Variants in LRPPRC observed in about 807,000 individuals in gnomAD.
LRPPRC encodes leucine-rich PPR motif-containing protein, mitochondrial.
A neutral mutation model predicts 180.3 loss-of-function variants in LRPPRC; 120 were observed. The observed-to-expected ratio is 0.67, with a 90% CI of 0.57 to 0.77. LRPPRC has a LOEUF of 0.77. LRPPRC is among the 30% of genes least tolerant of loss of function. The probability of loss-of-function intolerance (pLI) is 0.00; values close to 1 mark genes in which losing one functional copy is unlikely to be tolerated. For synonymous variants in LRPPRC, 723 were observed against 600.0 expected, an observed-to-expected ratio of 1.21 and a Z score of -3.00; for missense variants, 2,012 against 1,657.2, an observed-to-expected ratio of 1.21 and a Z score of -3.72.
At chr2:43,895,137 A>G (rs984900797) in intron 35 of LRPPRC, among the ~76,000 whole-genome samples, 1 of 152,200 alleles carries the variant, frequency 6.6e-6, no homozygotes, top group Non-Finnish European at 1.5e-5. Flanking sequence ...GTAGCGAGTG[A>G]ATACAGAACT....
At chr2:43,939,541 A>G (rs1336378440) in intron 23 of LRPPRC, among the ~76,000 whole-genome samples, 1 of 152,182 alleles carries the variant, frequency 6.6e-6, no homozygotes, top group East Asian at 1.9e-4. Flanking sequence ...TTAAAAACAA[A>G]CTATCTTACA....
rs989185715 is a variant in LRPPRC at position 43,934,955 on chromosome 2, G to A, written c.2505-77C>T. 14 of 1,185,260 alleles carry A rather than the reference G, an allele frequency of 1.2e-5. No individual in the cohort carries two copies. The African/African-American group carries it at 1.2e-4, about 10-fold the overall frequency. The allele number at this position is 1,185,260 out of a possible 1,614,324, so 73.4% of individuals were successfully genotyped here. ...TCTCTTAGTAATACTTTAGAGAGAT[G>A]TTTAATGACCAGTTAATATGTAAAC... On this transcript the variant is annotated intron_variant, in intron 23 of 37. Transcript: ENST00000260665.
intron 35 of LRPPRC, 114 bp from the exon 36 acceptor site, chr2:43,894,743 T>C: frequency 1.5e-6 from 1 of 687,240 alleles, no homozygotes; most frequent in South Asian, 1.6e-5. Flanking sequence ...CAGAACTACC[T>C]ATTAAATTTA....
Position 43,888,570 on chromosome 2 carries a change from A to G in LRPPRC, c.*30T>C, listed in dbSNP as rs773737683. 2 of 1,361,678 alleles carry G rather than the reference A, an allele frequency of 1.5e-6. No individual in the cohort carries two copies. The highest frequency in any genetic ancestry group is 2.1e-6 in the Non-Finnish European group (2 of 950,656). The allele number at this position is 1,361,678 out of a possible 1,614,324, so 84.3% of individuals were successfully genotyped here. ...AACATGTAGACACAGAATCACAAAT[A>G]TATACAAAACAAAGTATCGCCTGGT... On this transcript the variant is annotated 3_prime_UTR_variant, in exon 38 of 38. Transcript: ENST00000260665.
intron 1 of LRPPRC, among the ~76,000 whole-genome samples, chr2:43,987,449 A>T (rs1358120830): frequency 1.4e-5 from 2 of 139,942 alleles, no homozygotes; most frequent in African/African-American, 2.7e-5. Context: ...GAGCCGAGAT[A>T]GCGTCACTGC....
At chr2:43,916,290 G>C (rs1359926509) in intron 29 of LRPPRC, among the ~76,000 whole-genome samples, 1 of 152,098 alleles carries the variant, frequency 6.6e-6, no homozygotes, top group African/African-American at 2.4e-5. Context: ...AAGAAAATAA[G>C]AGTAATATAT....
At position 43,976,223 on chromosome 2, in the gene LRPPRC, A is replaced by C; in HGVS notation, c.657T>G (p.Ile219Met). 6.2e-7 allele frequency: 1 copy of C among 1,600,716 alleles called. No homozygotes were observed. Among genetic ancestry groups the C allele is most frequent in the African/African-American group, 1.3e-5 (1 of 74,750 alleles). ...GATCCTTAGTTTTCATAAATCCAAG[A>C]ATCTTGCTGCAAAGGAAAAACGAAG... Reference protein sequence around the residue: ...NVGDIEGASKILGFMKTKDLP... With the variant: ...NVGDIEGASKMLGFMKTKDLP... The change falls in exon 6 of 38, where the codon ATT becomes ATG. Residue 219 changes from isoleucine (I) to methionine (M), a missense_variant. Physicochemically the swap from Ile to Met is conservative, Grantham distance 10. Transcript: ENST00000260665.
intron 29 of LRPPRC, among the ~76,000 whole-genome samples, chr2:43,917,617 A>G (rs1030837918): frequency 5.3e-5 from 8 of 151,926 alleles, no homozygotes; most frequent in African/African-American, 1.2e-4. Context: ...GTGAAGCCCC[A>G]TCTCTACTAC....
intron 23 of LRPPRC, among the ~76,000 whole-genome samples, chr2:43,936,225 A>C (rs554644399): frequency 6.6e-6 from 1 of 152,304 alleles, no homozygotes; most frequent in South Asian, 2.1e-4. Context: ...CCAGGTAAAC[A>C]GAGGAAGGTA....
At position 43,974,209 on chromosome 2, in the gene LRPPRC, C is replaced by A; in HGVS notation, c.1096G>T (p.Glu366Ter). Residue 366 changes from glutamate to a stop codon, truncating the protein, a stop_gained, in exon 9 of 38, where the codon GAA (glutamate) becomes TAA (stop). Coordinates refer to ENST00000260665, the MANE Select transcript of LRPPRC (RefSeq NM_133259.4). LOFTEE classifies it high-confidence loss of function. Reference sequence around the variant, plus strand: ...CTGCCAAAGACACTTGGGCCATCTTCCTTTGATACGGGGCATGCTAGTAAA... The same window carrying A: ...CTGCCAAAGACACTTGGGCCATCTTACTTTGATACGGGGCATGCTAGTAAA... ...QILLACPVSK[E>*]DGPSVFGSFF... 1 of 1,612,358 alleles carries A rather than the reference C, an allele frequency of 6.2e-7. No individual in the cohort carries two copies.
At position 43,899,451 on chromosome 2, in the gene LRPPRC, A is replaced by C. The variant is rs764505395; in HGVS notation, c.3709+15T>G. On this transcript the variant is annotated intron_variant, in intron 33 of 37. Coordinates refer to ENST00000260665, the MANE Select transcript of LRPPRC (RefSeq NM_133259.4). ...AATGTGCTTGTGTGTTCTTTAGCAC[A>C]AACAACTAACTTACTCTTTTCAACT... 1 of 1,614,156 alleles carries C rather than the reference A, an allele frequency of 6.2e-7. No individual in the cohort carries two copies. The highest frequency in any genetic ancestry group is 2.2e-5 in the East Asian group (1 of 44,872).
chr2:43,897,074 T>G lies in LRPPRC; in HGVS notation c.3826-366A>C, dbSNP rs1290085711. Among the ~76,000 whole-genome samples, 3 of 152,234 alleles carry G rather than the reference T, an allele frequency of 2.0e-5. No individual in the cohort carries two copies. The East Asian group carries it at 5.8e-4, about 29-fold the overall frequency. On this transcript the variant is annotated intron_variant, in intron 34 of 37. Coordinates refer to ENST00000260665, the MANE Select transcript of LRPPRC (RefSeq NM_133259.4). ...GCATTCACAAGTGAGCTAGGGATCATAAGGTTAATTATACATTTAATAAGG... is the reference window on the plus strand; with the variant it reads ...GCATTCACAAGTGAGCTAGGGATCAGAAGGTTAATTATACATTTAATAAGG...
chr2:43,987,375 G>A (rs1236548858), intron 1 of LRPPRC, among the ~76,000 whole-genome samples: 2 of 150,610 alleles, frequency 1.3e-5, no homozygotes, highest in Non-Finnish European at 2.9e-5. Flanking sequence ...GGCGCCTATA[G>A]TCCCAGCTAC....
intron 37 of LRPPRC, among the ~76,000 whole-genome samples, chr2:43,889,333 AAAAAAAGGC>A (rs1353682224): frequency 6.6e-6 from 1 of 150,958 alleles, no homozygotes; most frequent in African/African-American, 2.4e-5. Context: ...AAAAAAAAAA[AAAAAAAGGC>A]AAAATTTCCT....
At chr2:43,982,175 T>C in intron 2 of LRPPRC, 63 bp downstream of exon 2, 1 of 1,192,216 alleles carries the variant, frequency 8.4e-7, no homozygotes, top group Non-Finnish European at 1.2e-6. Flanking sequence ...GTGCTGGGAT[T>C]ACAGGCCTGA....
chr2:43,892,504 A>G (rs1013860166), intron 36 of LRPPRC, among the ~76,000 whole-genome samples: 3 of 152,186 alleles, frequency 2.0e-5, no homozygotes, highest in African/African-American at 4.8e-5. Context: ...GTAGAGACCT[A>G]CTGCTCAGGA....
Position 43,950,813 on chromosome 2 carries a change from C to T in LRPPRC, c.1650-213G>A, listed in dbSNP as rs527665540. On this transcript the variant is annotated intron_variant, in intron 14 of 37. Coordinates refer to ENST00000260665, the MANE Select transcript of LRPPRC (RefSeq NM_133259.4). Reference sequence around the variant, plus strand: ...GGCCAGGCCTGGTGGCTCACATCTGCAATCCCAGCACTTTGGGAGGCCAAG... The same window carrying T: ...GGCCAGGCCTGGTGGCTCACATCTGTAATCCCAGCACTTTGGGAGGCCAAG... 9.8e-5 allele frequency among the ~76,000 whole-genome samples: 15 copies of T among 152,294 alleles called. No homozygotes were observed. In the South Asian group the frequency reaches 2.9e-3, roughly 29 times the overall value.
intron 25 of LRPPRC, among the ~76,000 whole-genome samples, chr2:43,933,961 A>AT (rs1208646933): frequency 6.6e-6 from 1 of 152,154 alleles, no homozygotes; most frequent in African/African-American, 2.4e-5. Context: ...ATAATAGTGA[A>AT]TTTAACAAAG....
chr2:43,934,066 T>C lies in LRPPRC; in HGVS notation c.2736+124A>G, dbSNP rs1572938371. 18 of 668,012 alleles carry C rather than the reference T, an allele frequency of 2.7e-5. No homozygotes were observed. The East Asian group carries it at 5.0e-4, about 19-fold the overall frequency. The allele number at this position is 668,012 out of a possible 1,614,324, so 41.4% of individuals were successfully genotyped here. On this transcript the variant is annotated intron_variant, in intron 25 of 37. Transcript: ENST00000260665. The stretch of plus-strand genomic sequence containing the variant: ...GGCCGAGATCCCCCTCCCCCAACAT[T>C]ACTGGGATTGAATTCTATTAACATG...
Sources: allele counts gnomAD v4.1 joint callset (sites outside exome capture counted in the v4.1 genomes callset), GRCh38; gene constraint gnomAD v4.1.1; transcripts MANE v1.5; gene names NCBI Gene and HGNC (gene_info 2026-07-23, HGNC 2026-07-21).